MAP2K6: variants seen among roughly 807,000 people sequenced by gnomAD.
MAP2K6 encodes the protein mitogen-activated protein kinase kinase 6, also known as dual specificity mitogen-activated protein kinase kinase 6.
Under a neutral mutation model 53.7 loss-of-function variants are expected in MAP2K6, and 16 were observed. The observed-to-expected ratio is 0.30, with a 90% confidence interval of 0.20 to 0.45. The LOEUF (loss-of-function observed/expected upper bound fraction) is 0.45. MAP2K6 is among the 20% of genes least tolerant of loss of function. MAP2K6 has a pLI of 1.00. For missense variants in MAP2K6, 204 were observed against 411.9 expected (o/e 0.50, Z 4.37); for synonymous variants, 132 against 143.1 (o/e 0.92, Z 0.55).
At chr17:69,523,020 C>G (rs955981850) in intron 7 of MAP2K6, among the ~76,000 whole-genome samples, 1 of 152,140 alleles carries the variant, frequency 6.6e-6, no homozygotes, top group African/African-American at 2.4e-5. Flanking sequence ...ATGATCACAC[C>G]ACTGCACACC....
chr17:69,531,637 T>G (rs907165768), intron 10 of MAP2K6, among the ~76,000 whole-genome samples: 1 of 152,204 alleles, frequency 6.6e-6, no homozygotes, highest in African/African-American at 2.4e-5. Flanking sequence ...TGACAAATGT[T>G]ATCTTGAAGG....
intron 1 of MAP2K6, among the ~76,000 whole-genome samples, chr17:69,475,464 G>A (rs1269945718): frequency 6.6e-6 from 1 of 152,192 alleles, no homozygotes; most frequent in Non-Finnish European, 1.5e-5. Context: ...CACCGCGCCC[G>A]GCCCTGTGTT....
chr17:69,523,047 A>G (rs1191330706), intron 7 of MAP2K6, among the ~76,000 whole-genome samples: 1 of 152,202 alleles, frequency 6.6e-6, no homozygotes, highest in African/African-American at 2.4e-5. Flanking sequence ...GTGACAGAGT[A>G]AGACCTTATC....
At chr17:69,431,875 C>T (rs1906472267) in intron 1 of MAP2K6, among the ~76,000 whole-genome samples, 1 of 152,166 alleles carries the variant, frequency 6.6e-6, no homozygotes, top group South Asian at 2.1e-4. Flanking sequence ...GCTAAACTTT[C>T]TGGTCTGAGA....
At chr17:69,491,798 T>TTA (rs1165122694) in intron 1 of MAP2K6, among the ~76,000 whole-genome samples, 8 of 151,502 alleles carry the variant, frequency 5.3e-5, no homozygotes, top group South Asian at 2.1e-4. Flanking sequence ...TGAGATGTTA[T>TTA]TTCACCGTGG....
chr17:69,481,636 C>T (rs1908354458), intron 1 of MAP2K6, among the ~76,000 whole-genome samples: 1 of 152,086 alleles, frequency 6.6e-6, no homozygotes, highest in Non-Finnish European at 1.5e-5. Context: ...GGCCTCTCCC[C>T]TTGGCTTATA....
In MAP2K6 at chr17:69,442,784, A is replaced by G. The variant is rs1306141162; in HGVS notation, c.16+27784A>G. 3.9e-5 allele frequency among the ~76,000 whole-genome samples: 6 copies of G among 152,336 alleles called. No individual in the cohort carries two copies. In the South Asian group the frequency reaches 6.2e-4, roughly 16 times the overall value. ...GCCAATTGTAAGCTGTGTAACCTTGAATACTTGACTTAACTTCAGTAATCT... is the reference window on the plus strand; with the variant it reads ...GCCAATTGTAAGCTGTGTAACCTTGGATACTTGACTTAACTTCAGTAATCT... On this transcript the variant is annotated intron_variant, in intron 1 of 11. Coordinates refer to ENST00000590474, the MANE Select transcript of MAP2K6 (RefSeq NM_002758.4).
At chr17:69,522,720 A>G (rs1226808710) in intron 7 of MAP2K6, among the ~76,000 whole-genome samples, 2 of 151,994 alleles carry the variant, frequency 1.3e-5, no homozygotes, top group East Asian at 1.9e-4. Context: ...CCTTTACACT[A>G]TGTGACCTCT....
intron 1 of MAP2K6, among the ~76,000 whole-genome samples, chr17:69,439,351 C>T (rs1906746002): frequency 6.6e-6 from 1 of 152,174 alleles, no homozygotes; most frequent in Non-Finnish European, 1.5e-5. Context: ...ATGCTGACTT[C>T]CCATCTCTCT....
At chr17:69,459,273 A>G (rs1046845678) in intron 1 of MAP2K6, among the ~76,000 whole-genome samples, 2 of 152,180 alleles carry the variant, frequency 1.3e-5, no homozygotes, top group Non-Finnish European at 2.9e-5. Context: ...AATATTATGT[A>G]GTTGATTCTA....
chr17:69,496,114 G>T (rs1055218482), intron 1 of MAP2K6, among the ~76,000 whole-genome samples: 2 of 151,764 alleles, frequency 1.3e-5, no homozygotes, highest in Non-Finnish European at 2.9e-5. Flanking sequence ...ACATGAAGCT[G>T]TAATAAAACC....
At chr17:69,455,851 GTTTTTTT>G (rs11317793) in intron 1 of MAP2K6, among the ~76,000 whole-genome samples, 2 of 95,378 alleles carry the variant, frequency 2.1e-5, no homozygotes, top group Non-Finnish European at 3.9e-5. Context: ...TGGACTTTCA[GTTTTTTT>G]TTTTTTTTTT....
At position 69,448,243 on chromosome 17, in the gene MAP2K6, TG is replaced by T. The variant is rs1452447159; in HGVS notation, c.16+33244del. Among the ~76,000 whole-genome samples, 306 of 116,730 alleles carry T rather than the reference TG, an allele frequency of 2.6e-3. 1 individual carries two copies. Among genetic ancestry groups the T allele is most frequent in the Admixed American group, 1.5e-3 (16 of 10,358 alleles). The allele number at this position is 116,730 out of a possible 152,430, so 76.6% of individuals were successfully genotyped here. ...AAATATTGTAATATGGTTTTGTTTT[TG>T]TTTTTTTTTTTTTTCAAATTCAAGT... On this transcript the variant is annotated intron_variant, in intron 1 of 11. Coordinates refer to ENST00000590474, the MANE Select transcript of MAP2K6 (RefSeq NM_002758.4).
chr17:69,516,703 C>T (rs919676843), intron 2 of MAP2K6, 152 bp from the exon 3 acceptor site: 4 of 533,560 alleles, frequency 7.5e-6, no homozygotes, highest in African/African-American at 1.9e-5. Context: ...TATTTCAAAT[C>T]CCCTCTTATT....
At chr17:69,519,732 T>C (rs528249413) in intron 5 of MAP2K6, 20 of 299,674 alleles carry the variant, frequency 6.7e-5, no homozygotes, top group Middle Eastern at 1.0e-3. Context: ...AGATCTCTTA[T>C]AATTTGAAAT....
At chr17:69,498,169 A>T (rs1909015114) in intron 1 of MAP2K6, among the ~76,000 whole-genome samples, 1 of 152,168 alleles carries the variant, frequency 6.6e-6, no homozygotes, top group Admixed American at 6.5e-5. Context: ...CACAGTGAGG[A>T]GCTAGCTTGG....
intron 1 of MAP2K6, among the ~76,000 whole-genome samples, chr17:69,432,275 C>A (rs1354489001): frequency 3.3e-5 from 5 of 152,178 alleles, no homozygotes; most frequent in Non-Finnish European, 5.9e-5. Context: ...CCAGATATAT[C>A]ATTTAACCCA....
intron 1 of MAP2K6, among the ~76,000 whole-genome samples, chr17:69,416,903 T>A (rs1268739802): frequency 6.6e-6 from 1 of 152,206 alleles, no homozygotes; most frequent in Non-Finnish European, 1.5e-5. Context: ...ATTTTTGGGC[T>A]CACTATGAAC....
chr17:69,464,418 C>T (rs576929036), intron 1 of MAP2K6, among the ~76,000 whole-genome samples: 4 of 152,136 alleles, frequency 2.6e-5, no homozygotes, highest in South Asian at 2.1e-4. Context: ...GGCTGGAGTT[C>T]GAGTCCAGGC....
Sources: gnomAD v4.1 joint callset for allele counts (sites outside exome capture counted in the v4.1 genomes callset) on GRCh38, gnomAD v4.1.1 for gene constraint, MANE v1.5 for transcripts, NCBI Gene and HGNC (gene_info 2026-07-23, HGNC 2026-07-21) for gene names.